RNGTT: variants seen among roughly 807,000 people sequenced by gnomAD.
The protein encoded by RNGTT is mRNA-capping enzyme.
In RNGTT, 33 loss-of-function variants were observed where a neutral mutation model predicts 79.3. That is an observed-to-expected ratio of 0.42 (90% confidence interval 0.32 to 0.56). The LOEUF is 0.56. RNGTT is among the 20% of genes least tolerant of loss of function. RNGTT has a pLI of 0.17. For missense variants in RNGTT, 497 were observed against 739.1 expected (o/e 0.67, Z 3.80); for synonymous variants, 222 against 235.9 (o/e 0.94, Z 0.54).
At chr6:88,778,249 A>G (rs1002232766) in intron 12 of RNGTT, among the ~76,000 whole-genome samples, 1 of 152,162 alleles carries the variant, frequency 6.6e-6, no homozygotes, top group African/African-American at 2.4e-5. Context: ...GCCTTGAAGG[A>G]TGGGTAATAT....
intron 1 of RNGTT, 149 bp downstream of exon 1, chr6:88,963,197 T>A: frequency 1.4e-6 from 1 of 697,842 alleles, no homozygotes; most frequent in Non-Finnish European, 2.3e-6. Context: ...CATGTTCCCA[T>A]TCATCCACGA....
chr6:88,821,871 A>T (rs539580876), intron 11 of RNGTT, among the ~76,000 whole-genome samples: 2 of 151,610 alleles, frequency 1.3e-5, no homozygotes, highest in Non-Finnish European at 2.9e-5. Flanking sequence ...CTGATGATAT[A>T]TTAGGCCACT....
chr6:88,903,465 T>C (rs1360985689), intron 6 of RNGTT, among the ~76,000 whole-genome samples: 2 of 152,232 alleles, frequency 1.3e-5, no homozygotes, highest in Admixed American at 6.5e-5. Flanking sequence ...TTTCTAGGTA[T>C]GTGACTCAGT....
At chr6:88,688,905 T>G (rs2610753) in intron 13 of RNGTT, among the ~76,000 whole-genome samples, 40,326 of 152,104 alleles carry the variant, frequency 0.27, 9,328 homozygotes, top group African/African-American at 0.63. Context: ...GCATATTTAT[T>G]TTCTCTTCCT....
chr6:88,739,725 T>TTATATATATATATATATATGTATA (rs1777406067), intron 13 of RNGTT, among the ~76,000 whole-genome samples: 1 of 94,152 alleles, frequency 1.1e-5, no homozygotes, highest in Admixed American at 1.2e-4. Context: ...GTGAAAAAAA[T>TTATATATATATATATATATGTATA]TATATATATA....
At chr6:88,794,348 T>C (rs151121556) in intron 12 of RNGTT, among the ~76,000 whole-genome samples, 95 of 152,284 alleles carry the variant, frequency 6.2e-4, no homozygotes, top group Non-Finnish European at 9.4e-4. Flanking sequence ...ATAAATTAGA[T>C]TACACATATT....
At chr6:88,957,585 T>A (rs1166752386) in intron 1 of RNGTT, among the ~76,000 whole-genome samples, 1 of 152,122 alleles carries the variant, frequency 6.6e-6, no homozygotes. Flanking sequence ...ATGGCCAAGC[T>A]GAGAATCAAA....
At chr6:88,898,724 C>G (rs753378925) in intron 6 of RNGTT, among the ~76,000 whole-genome samples, 29 of 150,216 alleles carry the variant, frequency 1.9e-4, no homozygotes, top group Admixed American at 3.3e-4. Context: ...TTCTTCTACA[C>G]TAAGTTATTC....
chr6:88,789,078 A>T (rs1043668440), intron 12 of RNGTT, among the ~76,000 whole-genome samples: 4 of 152,188 alleles, frequency 2.6e-5, no homozygotes, highest in African/African-American at 9.6e-5. Context: ...TCATCTTAAT[A>T]TAGTATTTTT....
At position 88,941,144 on chromosome 6, in the gene RNGTT, C is replaced by T; in HGVS notation, c.101G>A (p.Arg34Lys). Reference sequence around the variant, plus strand: ...TTCTTCAGCAACTTGACTATCATATCTTGGTCCTAACATTGTCTTCAGAGG... The same window carrying T: ...TTCTTCAGCAACTTGACTATCATATTTTGGTCCTAACATTGTCTTCAGAGG... ...FLPLKTMLGP[R>K]YDSQVAEENR... is the part of the protein sequence containing the mutation. Residue 34 changes from arginine (R) to lysine (K), a missense_variant, in exon 2 of 16, where the codon AGA becomes AAA. Coordinates refer to ENST00000369485, the MANE Select transcript of RNGTT (RefSeq NM_003800.5). 1.9e-6 allele frequency: 3 copies of T among 1,613,188 alleles called. No homozygotes were observed. Among genetic ancestry groups the T allele is most frequent in the Non-Finnish European group, 2.5e-6 (3 of 1,179,264 alleles).
intron 13 of RNGTT, among the ~76,000 whole-genome samples, chr6:88,762,536 T>C (rs9359811): frequency 0.14 from 21,089 of 152,242 alleles, 1,598 homozygotes; most frequent in Middle Eastern, 0.24. Flanking sequence ...AAATACTTTT[T>C]TCTCTGTACC....
chr6:88,794,884 C>T (rs1779542621), intron 12 of RNGTT, among the ~76,000 whole-genome samples: 1 of 152,114 alleles, frequency 6.6e-6, no homozygotes, highest in Non-Finnish European at 1.5e-5. Flanking sequence ...GAATGGAGAG[C>T]AATGAAGACA....
chr6:88,679,321 T>TCAC (rs938612094), intron 13 of RNGTT, among the ~76,000 whole-genome samples: 1 of 152,124 alleles, frequency 6.6e-6, no homozygotes, highest in African/African-American at 2.4e-5. Context: ...TTAGCCTCAC[T>TCAC]CAAAGAGTGG....
chr6:88,679,617 C>T (rs1048216781), intron 13 of RNGTT, among the ~76,000 whole-genome samples: 1 of 152,154 alleles, frequency 6.6e-6, no homozygotes, highest in African/African-American at 2.4e-5. Flanking sequence ...TGCATTATCC[C>T]TTCCTTCTTA....
chr6:88,961,031 T>C (rs1347929463), intron 1 of RNGTT, among the ~76,000 whole-genome samples: 1 of 152,180 alleles, frequency 6.6e-6, no homozygotes, highest in Non-Finnish European at 1.5e-5. Context: ...TTTGAATCAG[T>C]GGGCTGGGAA....
chr6:88,843,238 C>T (rs1330101898), intron 11 of RNGTT, among the ~76,000 whole-genome samples: 2 of 151,724 alleles, frequency 1.3e-5, no homozygotes, highest in African/African-American at 4.8e-5. Context: ...AGGAATTTGG[C>T]AGTAGTTACT....
At chr6:88,815,918 T>A (rs1198311792) in intron 11 of RNGTT, among the ~76,000 whole-genome samples, 2 of 152,184 alleles carry the variant, frequency 1.3e-5, no homozygotes, top group Non-Finnish European at 2.9e-5. Context: ...CTTTCAGAAA[T>A]AAACTTTACT....
At chr6:88,773,921 C>T (rs1055943653) in intron 12 of RNGTT, among the ~76,000 whole-genome samples, 1 of 152,048 alleles carries the variant, frequency 6.6e-6, no homozygotes, top group Non-Finnish European at 1.5e-5. Flanking sequence ...AGTTTTGACA[C>T]CAAAAGCATA....
intron 14 of RNGTT, among the ~76,000 whole-genome samples, chr6:88,673,595 C>T (rs536442612): frequency 6.6e-6 from 1 of 152,088 alleles, no homozygotes; most frequent in East Asian, 1.9e-4. Context: ...ACAACAACAT[C>T]AAAAGAAAAG....
Sources: gnomAD v4.1 joint callset for allele counts (sites outside exome capture counted in the v4.1 genomes callset) on GRCh38, gnomAD v4.1.1 for gene constraint, MANE v1.5 for transcripts, NCBI Gene and HGNC (gene_info 2026-07-23, HGNC 2026-07-21) for gene names.